Variants in RGS5 observed in about 807,000 individuals in gnomAD.
RGS5 encodes the protein regulator of G protein signaling 5, also known as regulator of G-protein signalling 5.
Under a neutral mutation model 18.9 loss-of-function variants are expected in RGS5, and 20 were observed. That is an observed-to-expected ratio of 1.06 (90% CI 0.74 to 1.54). The LOEUF (loss-of-function observed/expected upper bound fraction) is 1.54. Among genes scored for constraint, RGS5 ranks in the 40% most tolerant of loss-of-function variants. The pLI, the probability that RGS5 is intolerant of heterozygous loss-of-function variation, is 0.00. For missense variants in RGS5, 201 were observed against 211.8 expected, an observed-to-expected ratio of 0.95 and a Z score of 0.32; for synonymous variants, 57 against 76.2, an observed-to-expected ratio of 0.75 and a Z score of 1.31.
chr1:163,258,219 T>C (rs1159915338), intron 2 of RGS5, among the ~76,000 whole-genome samples: 1 of 152,228 alleles, frequency 6.6e-6, no homozygotes, highest in Non-Finnish European at 1.5e-5. Context: ...CCCAACTAGT[T>C]TCTCAGGGCA....
chr1:163,265,058 C>G (rs909214728), intron 2 of RGS5, among the ~76,000 whole-genome samples: 1 of 152,094 alleles, frequency 6.6e-6, no homozygotes, highest in Non-Finnish European at 1.5e-5. Context: ...TTTGTGGACT[C>G]CAACTCAGTA....
At chr1:163,305,439 T>A (rs779231472) in intron 2 of RGS5, 1 of 152,340 alleles carries the variant, frequency 6.6e-6, no homozygotes, top group Non-Finnish European at 1.5e-5. Context: ...CTGTATGAGC[T>A]GCTCTAGAGA....
At chr1:163,182,851 C>T (rs576030962) in intron 1 of RGS5, among the ~76,000 whole-genome samples, 3 of 151,982 alleles carry the variant, frequency 2.0e-5, no homozygotes, top group Non-Finnish European at 4.4e-5. Flanking sequence ...AATTATACTG[C>T]GGGACTTTAT....
rs181822422 is a variant in RGS5, at chr1:163,304,900, G to C, written c.-281+1333C>G. 1.0e-3 allele frequency: 153 copies of C among 152,262 alleles called. 2 individuals are homozygous for C. The highest frequency in any genetic ancestry group is 3.6e-3 in the African/African-American group (150 of 41,568). 9.4% of individuals were successfully genotyped at this position (152,262 alleles called of 1,614,324 possible). A position where few individuals can be genotyped will look rare whatever the true frequency, so the allele number is the denominator to read the frequency against. ...GCATTTCAGTAATAGCATTATTATT[G>C]GTTCAAGAGTGTTTATAAGATAGAG... On this transcript the variant is annotated intron_variant, in intron 2 of 5. Transcript: ENST00000618415.
intron 1 of RGS5, among the ~76,000 whole-genome samples, chr1:163,311,988 G>A (rs1205359322): frequency 6.6e-6 from 1 of 152,174 alleles, no homozygotes; most frequent in East Asian, 1.9e-4. Flanking sequence ...AACAAGATAT[G>A]CTTATATATA....
intron 1 of RGS5, among the ~76,000 whole-genome samples, chr1:163,214,154 A>C (rs2662770): frequency 6.6e-6 from 1 of 151,838 alleles, no homozygotes; most frequent in East Asian, 1.9e-4. Context: ...GATTTCTCCA[A>C]TGTATTCTTA....
In RGS5 at chr1:163,199,401, A is replaced by T. The variant is rs1315835574; in HGVS notation, c.44+3391T>A. Among the ~76,000 whole-genome samples the T allele has an allele frequency of 5.3e-5, 8 of 152,206 alleles. No individual in the cohort carries two copies. The East Asian group carries it at 1.5e-3, about 29-fold the overall frequency. Reference sequence around the variant, plus strand: ...ACTTTGGCTGAAAGCTTCCCTGGACATTCAGAAAGGAATATTTTCTAGGAT... The same window carrying T: ...ACTTTGGCTGAAAGCTTCCCTGGACTTTCAGAAAGGAATATTTTCTAGGAT... On this transcript the variant is annotated intron_variant, in intron 1 of 4. Transcript: ENST00000313961.
chr1:163,304,719 G>A (rs1435887465), intron 2 of RGS5: 1 of 152,232 alleles, frequency 6.6e-6, no homozygotes, highest in Non-Finnish European at 1.5e-5. Flanking sequence ...TATTTGTTAA[G>A]TAAGTGTTTT....
At chr1:163,271,150 A>C (rs1363612041) in intron 2 of RGS5, among the ~76,000 whole-genome samples, 1 of 152,130 alleles carries the variant, frequency 6.6e-6, no homozygotes, top group Non-Finnish European at 1.5e-5. Context: ...CTGCCTCTAT[A>C]AATTTGCCTT....
intron 1 of RGS5, among the ~76,000 whole-genome samples, chr1:163,175,663 A>T (rs1658519198): frequency 2.6e-5 from 4 of 152,346 alleles, no homozygotes; most frequent in African/African-American, 9.6e-5. Flanking sequence ...TACCTACTTC[A>T]GTTTGAACTA....
At chr1:163,198,741 C>T (rs1045895600) in intron 1 of RGS5, among the ~76,000 whole-genome samples, 23 of 152,314 alleles carry the variant, frequency 1.5e-4, no homozygotes, top group Middle Eastern at 3.4e-3. Flanking sequence ...AAGCAGTCCT[C>T]TCACCTCAGC....
At chr1:163,266,719 C>CTA (rs1285596607) in intron 2 of RGS5, 5 of 152,178 alleles carry the variant, frequency 3.3e-5, no homozygotes, top group African/African-American at 1.2e-4. Flanking sequence ...TTTTCCTTGT[C>CTA]TGGACTTATT....
intron 2 of RGS5, among the ~76,000 whole-genome samples, chr1:163,305,853 T>C (rs553053066): frequency 6.6e-6 from 1 of 152,318 alleles, no homozygotes; most frequent in East Asian, 1.9e-4. Flanking sequence ...GGGTCACTAG[T>C]CCTCAGCTGG....
intron 3 of RGS5, among the ~76,000 whole-genome samples, chr1:163,158,771 T>C (rs574015182): frequency 6.6e-6 from 1 of 152,264 alleles, no homozygotes; most frequent in African/African-American, 2.4e-5. Context: ...CGGGCACGCA[T>C]TGTCATTGAT....
chr1:163,173,619 G>A (rs1658405604), intron 1 of RGS5, among the ~76,000 whole-genome samples: 1 of 152,226 alleles, frequency 6.6e-6, no homozygotes, highest in African/African-American at 2.4e-5. Flanking sequence ...CAGAATGTGT[G>A]AAGAACCAAT....
intron 1 of RGS5, among the ~76,000 whole-genome samples, chr1:163,307,610 G>A (rs1649739586): frequency 7.2e-6 from 1 of 138,684 alleles, no homozygotes; most frequent in Admixed American, 7.8e-5. Flanking sequence ...GATAACTTTG[G>A]CTTTAAGAGT....
intron 2 of RGS5, among the ~76,000 whole-genome samples, chr1:163,264,392 C>A (rs544492271): frequency 6.6e-6 from 1 of 152,008 alleles, no homozygotes; most frequent in South Asian, 2.1e-4. Context: ...TGATAGATTG[C>A]GAAAATTAAG....
chr1:163,313,668 C>T (rs1649934369), intron 1 of RGS5, among the ~76,000 whole-genome samples: 1 of 152,180 alleles, frequency 6.6e-6, no homozygotes, highest in African/African-American at 2.4e-5. Context: ...CTAAACCCTT[C>T]CCCACAGAAC....
chr1:163,180,703 T>TTTTTTTTGTTTTTTTTTTTTTTTTTTTG (rs1658792968), intron 1 of RGS5, among the ~76,000 whole-genome samples: 1 of 133,654 alleles, frequency 7.5e-6, no homozygotes, highest in South Asian at 2.7e-4. Context: ...TTTTTTTTTT[T>TTTTTTTTGTTTTTTTTTTTTTTTTTTTG]TTTTTTTTTG....
Sources: allele counts gnomAD v4.1 joint callset (sites outside exome capture counted in the v4.1 genomes callset), GRCh38; gene constraint gnomAD v4.1.1; transcripts MANE v1.5; gene names NCBI Gene and HGNC (gene_info 2026-07-23, HGNC 2026-07-21).